The following NRG1 variants were observed in gnomAD, a reference collection of about 807,000 sequenced individuals.
NRG1 encodes neuregulin 1, also known as pro-neuregulin-1, membrane-bound isoform.
Under a neutral mutation model 63.8 loss-of-function variants are expected in NRG1, and 18 were observed. The observed-to-expected ratio is 0.28, with a 90% CI of 0.19 to 0.42. The LOEUF (loss-of-function observed/expected upper bound fraction) is 0.42. Among genes scored for constraint, NRG1 ranks in the 10% least tolerant of loss-of-function variants. NRG1 has a pLI of 1.00. For missense variants in NRG1, 762 were observed against 814.7 expected, an observed-to-expected ratio of 0.94 and a Z score of 0.79; for synonymous variants, 302 against 301.3, an observed-to-expected ratio of 1.00 and a Z score of -0.02.
At chr8:31,716,513 G>T (rs896521704) in intron 1 of NRG1, among the ~76,000 whole-genome samples, 1 of 152,172 alleles carries the variant, frequency 6.6e-6, no homozygotes, top group Non-Finnish European at 1.5e-5. Flanking sequence ...CATTGCCTCA[G>T]TGCTCTTCAA....
At chr8:31,767,847 C>CA (rs55792550) in intron 1 of NRG1, among the ~76,000 whole-genome samples, 20,282 of 104,216 alleles carry the variant, frequency 0.19, 1,626 homozygotes, top group East Asian at 0.21. Context: ...AACTCTTTCT[C>CA]AAAAAAAAAA....
chr8:31,884,248 T>A (rs1170500205), intron 1 of NRG1, among the ~76,000 whole-genome samples: 1 of 152,108 alleles, frequency 6.6e-6, no homozygotes, highest in Non-Finnish European at 1.5e-5. Context: ...AGCTTCAGGA[T>A]TTTGAATAAC....
At chr8:31,641,106 G>A (rs1803729519) in intron 1 of NRG1, among the ~76,000 whole-genome samples, 1 of 152,144 alleles carries the variant, frequency 6.6e-6, no homozygotes, top group South Asian at 2.1e-4. Flanking sequence ...GGAAGGGTGA[G>A]TCCCGCAGGA....
At chr8:32,406,396 G>T (rs1486985866) in intron 1 of NRG1, among the ~76,000 whole-genome samples, 1 of 152,136 alleles carries the variant, frequency 6.6e-6, no homozygotes, top group African/African-American at 2.4e-5. Flanking sequence ...TTGTTGTGAA[G>T]ATTAAAATAA....
At chr8:32,641,744 T>G (rs1440156304) in intron 5 of NRG1, among the ~76,000 whole-genome samples, 1 of 152,168 alleles carries the variant, frequency 6.6e-6, no homozygotes, top group Non-Finnish European at 1.5e-5. Context: ...AAGTAATGCT[T>G]AAAATTAAGT....
intron 1 of NRG1, among the ~76,000 whole-genome samples, chr8:32,175,743 G>A (rs1029465725): frequency 6.6e-6 from 1 of 152,130 alleles, no homozygotes; most frequent in Non-Finnish European, 1.5e-5. Context: ...TTGCTTCAAA[G>A]AGAATAAAAT....
chr8:32,295,057 A>G (rs1342907816), intron 1 of NRG1, among the ~76,000 whole-genome samples: 5 of 152,290 alleles, frequency 3.3e-5, no homozygotes, highest in Non-Finnish European at 7.4e-5. Context: ...TCCCAGTTAT[A>G]CTGAAACCAT....
At chr8:31,916,642 G>A (rs1833414448) in intron 1 of NRG1, among the ~76,000 whole-genome samples, 1 of 152,116 alleles carries the variant, frequency 6.6e-6, no homozygotes, top group South Asian at 2.1e-4. Flanking sequence ...CTTTGCTATT[G>A]TGAATAGTGC....
At chr8:32,433,483 A>AT (rs1818419127) in intron 1 of NRG1, among the ~76,000 whole-genome samples, 1 of 152,082 alleles carries the variant, frequency 6.6e-6, no homozygotes, top group South Asian at 2.1e-4. Context: ...TTGGGCTTGT[A>AT]TTTTTTCCAA....
At chr8:32,032,395 C>A (rs538757099) in intron 1 of NRG1, among the ~76,000 whole-genome samples, 4 of 152,068 alleles carry the variant, frequency 2.6e-5, no homozygotes, top group African/African-American at 9.7e-5. Flanking sequence ...TCCGAAGTAG[C>A]TGGGATTATA....
At chr8:32,655,170 T>G (rs1352631362) in intron 5 of NRG1, among the ~76,000 whole-genome samples, 1 of 152,202 alleles carries the variant, frequency 6.6e-6, no homozygotes, top group Non-Finnish European at 1.5e-5. Flanking sequence ...CACTTTGTTC[T>G]TTTTCTCCTT....
chr8:31,864,115 C>T (rs1585347520), intron 1 of NRG1, among the ~76,000 whole-genome samples: 1 of 152,156 alleles, frequency 6.6e-6, no homozygotes, highest in East Asian at 1.9e-4. Context: ...AGTCTTAACC[C>T]TCAACTTACA....
chr8:32,454,981 C>G (rs1265991258), intron 1 of NRG1, among the ~76,000 whole-genome samples: 1 of 152,140 alleles, frequency 6.6e-6, no homozygotes. Flanking sequence ...TTCTCTAGTG[C>G]TCAGTACAGT....
At chr8:32,255,447 A>G (rs1020341623) in intron 1 of NRG1, among the ~76,000 whole-genome samples, 3 of 152,152 alleles carry the variant, frequency 2.0e-5, no homozygotes, top group African/African-American at 7.2e-5. Context: ...TCCTTCACTT[A>G]TGAAGCTTAG....
intron 1 of NRG1, among the ~76,000 whole-genome samples, chr8:32,568,016 G>A (rs1837790751): frequency 6.6e-6 from 1 of 152,154 alleles, no homozygotes; most frequent in Admixed American, 6.6e-5. Context: ...TAGCCTGATG[G>A]GATTTGGACC....
In NRG1 at chr8:32,609,160, T is replaced by G. The variant is rs188474851; in HGVS notation, c.400+3477T>G. On this transcript the variant is annotated intron_variant, in intron 3 of 11. Coordinates refer to ENST00000356819, the Ensembl canonical transcript of NRG1. ...ACCATGATTGACAAGGCCAGTTTCC[T>G]GTACATTAGAGGAGATACCCTTTTT... Among the ~76,000 whole-genome samples, 3 of 152,290 alleles carry G rather than the reference T, an allele frequency of 2.0e-5. No homozygotes were observed. In the East Asian group the frequency reaches 5.8e-4, roughly 29 times the overall value.
intron 1 of NRG1, among the ~76,000 whole-genome samples, chr8:32,573,365 T>C (rs1298943374): frequency 9.5e-6 from 1 of 105,518 alleles, no homozygotes; most frequent in Non-Finnish European, 2.1e-5. Context: ...GCAAGTGTGC[T>C]CCAATAAAAC....
At chr8:32,665,456 A>G (rs1803893470) in intron 5 of NRG1, among the ~76,000 whole-genome samples, 2 of 152,196 alleles carry the variant, frequency 1.3e-5, no homozygotes, top group Non-Finnish European at 1.5e-5. Context: ...TAGTCCATTC[A>G]GTTTGTTCAA....
At chr8:32,197,041 C>A (rs779494904) in intron 1 of NRG1, among the ~76,000 whole-genome samples, 17 of 141,016 alleles carry the variant, frequency 1.2e-4, no homozygotes, top group South Asian at 2.4e-4. Flanking sequence ...CTCACTGCAA[C>A]CTTCGCCTCC....
Sources: gnomAD v4.1 joint callset for allele counts (sites outside exome capture counted in the v4.1 genomes callset) on GRCh38, gnomAD v4.1.1 for gene constraint, MANE v1.5 for transcripts, NCBI Gene and HGNC (gene_info 2026-07-23, HGNC 2026-07-21) for gene names.